The following PRTG variants were observed in gnomAD, a reference collection of about 807,000 sequenced individuals.
PRTG encodes the protein protogenin.
PRTG carries 67 observed loss-of-function variants against 122.5 expected under a neutral mutation model. The ratio of observed to expected loss-of-function variants is 0.55; its 90% CI spans 0.45 to 0.67. The LOEUF (loss-of-function observed/expected upper bound fraction) is 0.67, where lower values mean the gene tolerates loss of function less well. Ranked by LOEUF, PRTG falls within the 30% of genes least tolerant of loss-of-function variation. The probability of loss-of-function intolerance (pLI) is 0.00; values close to 1 mark genes in which losing one functional copy is unlikely to be tolerated. For synonymous variants in PRTG, 554 were observed against 501.1 expected (o/e 1.11, Z -1.41); for missense variants, 1,435 against 1,415.4 (o/e 1.01, Z -0.22).
At chr15:55,711,201 C>T (rs1452621363) in intron 2 of PRTG, among the ~76,000 whole-genome samples, 1 of 151,528 alleles carries the variant, frequency 6.6e-6, no homozygotes, top group Non-Finnish European at 1.5e-5. Flanking sequence ...AGATTACAGG[C>T]GTGAGCCACT....
rs772552811 is a variant in PRTG, at chr15:55,740,631, C to G, written c.148G>C (p.Val50Leu). The G allele has an allele frequency of 1.9e-6, 3 of 1,613,992 alleles. No homozygotes were observed. The highest frequency in any genetic ancestry group is 1.1e-5 in the South Asian group (1 of 91,080). Residue 50 changes from valine to leucine, a missense_variant, in exon 2 of 20, where the codon GTC (valine) becomes CTC (leucine). Physicochemically the swap from Val to Leu is conservative, Grantham distance 32. Transcript: ENST00000389286. ...SFVKEPQDVT[V>L]TRKDPVVLDC... is the part of the protein sequence containing the mutation. ...AAAACGACTGGGTCCTTTCTTGTGA[C>G]AGTTACATCCTGTGGTTCTTTTACA...
In PRTG at chr15:55,719,073, A is replaced by G. The variant is rs558066152; in HGVS notation, c.397+21309T>C. Among the ~76,000 whole-genome samples, 5 of 152,248 alleles carry G rather than the reference A, an allele frequency of 3.3e-5. No homozygotes were observed. The South Asian group carries it at 1.0e-3, about 32-fold the overall frequency. On this transcript the variant is annotated intron_variant, in intron 2 of 19. Coordinates refer to ENST00000389286, the MANE Select transcript of PRTG (RefSeq NM_173814.6). ...AATTACTTTTTGAAAAGAATTTCAT[A>G]CACATATATAACTGGTTCTATAAAC...
chr15:55,646,657 G>A (rs1025108858), intron 11 of PRTG, among the ~76,000 whole-genome samples: 1 of 152,150 alleles, frequency 6.6e-6, no homozygotes, highest in African/African-American at 2.4e-5. Context: ...TGGGGTGATG[G>A]CTCAAATGGG....
At position 55,618,631 on chromosome 15, in the gene PRTG, T is replaced by G. The variant is rs376050106; in HGVS notation, c.*1381A>C. The G allele has an allele frequency of 6.6e-6, 1 of 152,082 alleles. No individual in the cohort carries two copies. Among genetic ancestry groups the G allele is most frequent in the African/African-American group, 2.4e-5 (1 of 41,400 alleles). The allele number at this position is 152,082 out of a possible 1,614,324, so 9.4% of individuals were successfully genotyped here. On this transcript the variant is annotated 3_prime_UTR_variant, in exon 20 of 20. Transcript: ENST00000389286. ...CATTCCTCATTCACAGCACTGACAC[T>G]GAAGGAAGATTAAGTAGATACCATA...
At chr15:55,652,554 T>A (rs546693811) in intron 11 of PRTG, among the ~76,000 whole-genome samples, 4 of 152,048 alleles carry the variant, frequency 2.6e-5, no homozygotes, top group Non-Finnish European at 5.9e-5. Flanking sequence ...CATATAATTA[T>A]TCAGAGAAGA....
rs1017866740 is a variant in PRTG, at chr15:55,742,743, C to T, written c.94+95G>A. The T allele has an allele frequency of 2.7e-5, 39 of 1,443,886 alleles. No individual in the cohort carries two copies. The Middle Eastern group carries it at 9.3e-4, about 35-fold the overall frequency. The allele number at this position is 1,443,886 out of a possible 1,614,324, so 89.4% of individuals were successfully genotyped here. A position where few individuals can be genotyped will look rare whatever the true frequency, so the allele number is the denominator to read the frequency against. On this transcript the variant is annotated intron_variant, in intron 1 of 19. Coordinates refer to ENST00000389286, the MANE Select transcript of PRTG (RefSeq NM_173814.6). ...CGCCACCACGGAGGACCCCGCCGCG[C>T]GCTCCCCACGCCCCATCGTTTCCTC...
chr15:55,735,375 T>G lies in PRTG; in HGVS notation c.397+5007A>C, dbSNP rs1263698127. ...AAGAATATCGTGGTTTTCAAAAAGG[T>G]AACCTCAAATGTATTTTATTTATTA... On this transcript the variant is annotated intron_variant, in intron 2 of 19. Coordinates refer to ENST00000389286, the MANE Select transcript of PRTG (RefSeq NM_173814.6). Among the ~76,000 whole-genome samples, 4 of 151,996 alleles carry G rather than the reference T, an allele frequency of 2.6e-5. No homozygotes were observed. The East Asian group carries it at 7.7e-4, about 29-fold the overall frequency.
chr15:55,655,994 C>G (rs2059377683), intron 11 of PRTG: 1 of 158,034 alleles, frequency 6.3e-6, no homozygotes. Context: ...TGTACTTATA[C>G]ACATCTTTCC....
intron 2 of PRTG, among the ~76,000 whole-genome samples, chr15:55,725,133 T>C (rs1488427286): frequency 1.3e-5 from 2 of 152,094 alleles, no homozygotes; most frequent in Non-Finnish European, 2.9e-5. Context: ...ACAAAACATA[T>C]GAAGATGTAA....
rs781013523 is a variant in PRTG at position 55,616,179 on chromosome 15, T to C, written c.*3833A>G. ...AAAACCCCAGATTTCATTAAAAATT[T>C]TTTCCCTTTACCCAAGGTTCCATTA... On this transcript the variant is annotated 3_prime_UTR_variant, in exon 20 of 20. Coordinates refer to ENST00000389286, the MANE Select transcript of PRTG (RefSeq NM_173814.6). 2.6e-5 allele frequency: 4 copies of C among 152,154 alleles called. No individual in the cohort carries two copies. Among genetic ancestry groups the C allele is most frequent in the Non-Finnish European group, 4.4e-5 (3 of 68,000 alleles). The allele number at this position is 152,154 out of a possible 1,614,324, so 9.4% of individuals were successfully genotyped here.
At chr15:55,711,368 CCT>C (rs1372950274) in intron 2 of PRTG, among the ~76,000 whole-genome samples, 1 of 152,156 alleles carries the variant, frequency 6.6e-6, no homozygotes, top group Non-Finnish European at 1.5e-5. Context: ...CTTGACCTTG[CCT>C]CTGTCTCAAG....
At chr15:55,726,628 C>T (rs569232929) in intron 2 of PRTG, among the ~76,000 whole-genome samples, 6 of 137,632 alleles carry the variant, frequency 4.4e-5, no homozygotes, top group Non-Finnish European at 7.7e-5. Context: ...TTAACAAGAG[C>T]GAATCTTCGT....
chr15:55,624,697 A>C (rs917176357), intron 17 of PRTG, among the ~76,000 whole-genome samples, 190 bp from the exon 18 acceptor site: 1 of 152,148 alleles, frequency 6.6e-6, no homozygotes, highest in Non-Finnish European at 1.5e-5. Context: ...AGGCATCTTT[A>C]TTTCTTTTTG....
intron 2 of PRTG, among the ~76,000 whole-genome samples, chr15:55,684,749 G>C (rs1181433377): frequency 6.6e-6 from 1 of 152,036 alleles, no homozygotes; most frequent in Non-Finnish European, 1.5e-5. Context: ...ACAAAGACTT[G>C]GTTCTTATGC....
At chr15:55,635,789 G>C (rs146182125) in intron 15 of PRTG, among the ~76,000 whole-genome samples, 18 of 152,002 alleles carry the variant, frequency 1.2e-4, no homozygotes, top group African/African-American at 2.9e-4. Flanking sequence ...TTCTTAATTG[G>C]GTAAATATTC....
intron 12 of PRTG, chr15:55,640,029 T>A (rs72748429): frequency 0.026 from 21,842 of 837,952 alleles, 292 homozygotes; most frequent in Non-Finnish European, 0.029. Context: ...AAAACAGTCA[T>A]GCATCACTAA....
Position 55,619,964 on chromosome 15 carries a change from C to T in PRTG, c.*48G>A, listed in dbSNP as rs757045665. On this transcript the variant is annotated 3_prime_UTR_variant, in exon 20 of 20. Transcript: ENST00000389286. Reference sequence around the variant, plus strand: ...AACAGATGACACAGCAGGGTCTTCACACTTCCTCAATGCGGAATCTCCACC... The same window carrying T: ...AACAGATGACACAGCAGGGTCTTCATACTTCCTCAATGCGGAATCTCCACC... The T allele has an allele frequency of 2.5e-6, 4 of 1,605,114 alleles. No homozygotes were observed. The highest frequency in any genetic ancestry group is 1.3e-5 in the African/African-American group (1 of 74,796).
intron 2 of PRTG, among the ~76,000 whole-genome samples, chr15:55,691,402 G>T (rs1429910216): frequency 6.6e-6 from 1 of 151,922 alleles, no homozygotes; most frequent in Admixed American, 6.6e-5. Context: ...ATGTGTTAAG[G>T]CTGGGCACGG....
At chr15:55,742,427 T>G in intron 1 of PRTG, 2 of 169,454 alleles carry the variant, frequency 1.2e-5, no homozygotes. Flanking sequence ...GGAAACAATA[T>G]AAATAAAGCC....
Sources: gnomAD v4.1 joint callset for allele counts (sites outside exome capture counted in the v4.1 genomes callset) on GRCh38, gnomAD v4.1.1 for gene constraint, MANE v1.5 for transcripts, NCBI Gene and HGNC (gene_info 2026-07-23, HGNC 2026-07-21) for gene names.